The following CRADD variants were observed in gnomAD, a reference collection of about 807,000 sequenced individuals.
CRADD encodes the protein CARD and death domain containing adaptor protein.
CRADD carries 9 observed loss-of-function variants against 15.5 expected under a neutral mutation model. The observed-to-expected ratio is 0.58, with a 90% CI of 0.35 to 1.01. The LOEUF is 1.01. CRADD is among the 50% of genes least tolerant of loss of function. The pLI is 0.02. For synonymous variants in CRADD, 118 were observed against 107.6 expected (o/e 1.10, Z -0.60); for missense variants, 227 against 250.3 (o/e 0.91, Z 0.63).
At chr12:93,826,260 C>T (rs545369547) in intron 2 of CRADD, among the ~76,000 whole-genome samples, 22 of 152,220 alleles carry the variant, frequency 1.4e-4, no homozygotes, top group African/African-American at 4.3e-4. Context: ...TAAAATAGAC[C>T]GCTGTGAAAC....
rs536638818 is a variant in CRADD, at chr12:93,719,945, T to A, written c.298+40873T>A. ...TGTTCTCTTTCGTTAATTTCTGCTCTAATTTTTATACTTTTTTTTGCTTTT... is the reference window on the plus strand; with the variant it reads ...TGTTCTCTTTCGTTAATTTCTGCTCAAATTTTTATACTTTTTTTTGCTTTT... On this transcript the variant is annotated intron_variant, in intron 2 of 2. Transcript: ENST00000332896. 2.0e-5 allele frequency among the ~76,000 whole-genome samples: 3 copies of A among 152,254 alleles called. No individual in the cohort carries two copies. In the South Asian group the frequency reaches 6.2e-4, roughly 32 times the overall value.
intron 2 of CRADD, chr12:93,849,163 C>T (rs1422027165): frequency 6.6e-6 from 1 of 152,282 alleles, no homozygotes; most frequent in African/African-American, 2.4e-5. Flanking sequence ...TAGCACGTGC[C>T]TTTCCTGCAG....
intron 2 of CRADD, among the ~76,000 whole-genome samples, chr12:93,855,812 G>GTTTTTC (rs902851371): frequency 2.0e-5 from 3 of 152,154 alleles, no homozygotes; most frequent in Admixed American, 6.5e-5. Context: ...GGCTATCAGA[G>GTTTTTC]TTTTTCTTTT....
intron 2 of CRADD, among the ~76,000 whole-genome samples, chr12:93,737,496 T>C (rs1956591692): frequency 6.6e-6 from 1 of 152,188 alleles, no homozygotes; most frequent in Non-Finnish European, 1.5e-5. Context: ...ACTAATCTGG[T>C]ATGTGTTATT....
chr12:93,821,652 C>G (rs556461604), intron 2 of CRADD, among the ~76,000 whole-genome samples: 10 of 152,094 alleles, frequency 6.6e-5, no homozygotes, highest in Non-Finnish European at 1.0e-4. Flanking sequence ...TATCTCATAC[C>G]CTGCATGAAA....
intron 2 of CRADD, among the ~76,000 whole-genome samples, chr12:93,782,561 T>C (rs1276536983): frequency 6.9e-6 from 1 of 144,018 alleles, no homozygotes. Context: ...GCCACTGCAC[T>C]CCAACCTGGG....
At chr12:93,696,371 T>C (rs544869524) in intron 2 of CRADD, among the ~76,000 whole-genome samples, 18 of 152,312 alleles carry the variant, frequency 1.2e-4, no homozygotes, top group Admixed American at 1.0e-3. Flanking sequence ...AAAGAAAATA[T>C]AGCATATATA....
intron 2 of CRADD, among the ~76,000 whole-genome samples, chr12:93,727,453 C>G (rs1388794484): frequency 2.0e-5 from 3 of 152,196 alleles, no homozygotes; most frequent in Admixed American, 1.3e-4. Context: ...AGGAGACACA[C>G]AGCAGATCAG....
chr12:93,681,913 G>GT (rs921300564), intron 2 of CRADD, among the ~76,000 whole-genome samples: 7 of 152,078 alleles, frequency 4.6e-5, no homozygotes, highest in Non-Finnish European at 7.4e-5. Flanking sequence ...AGATATATAT[G>GT]TTTTTTGTGT....
chr12:93,892,757 T>G (rs544176456), intron 2 of CRADD, among the ~76,000 whole-genome samples: 117 of 152,272 alleles, frequency 7.7e-4, no homozygotes, highest in African/African-American at 2.7e-3. Context: ...TAAACTTTCA[T>G]GGATACCTTC....
intron 2 of CRADD, among the ~76,000 whole-genome samples, chr12:93,736,045 A>C (rs1956562437): frequency 6.6e-6 from 1 of 152,146 alleles, no homozygotes; most frequent in Non-Finnish European, 1.5e-5. Flanking sequence ...CAATAGAGGG[A>C]GACTCTGTCT....
At chr12:93,808,364 G>A (rs1044142000) in intron 2 of CRADD, among the ~76,000 whole-genome samples, 1 of 152,096 alleles carries the variant, frequency 6.6e-6, no homozygotes, top group East Asian at 1.9e-4. Context: ...CCTGTGCAGG[G>A]GAACTCCCAT....
At chr12:93,835,970 T>C (rs1481863168) in intron 2 of CRADD, among the ~76,000 whole-genome samples, 1 of 152,176 alleles carries the variant, frequency 6.6e-6, no homozygotes, top group African/African-American at 2.4e-5. Context: ...TTCTTCAGGC[T>C]ATAGGCACAT....
chr12:93,812,581 T>C (rs1453720963), intron 2 of CRADD, among the ~76,000 whole-genome samples: 1 of 152,188 alleles, frequency 6.6e-6, no homozygotes. Context: ...ATAGTTTCTT[T>C]TGGGGCTAGA....
At chr12:93,873,845 C>G (rs547581376) in intron 2 of CRADD, among the ~76,000 whole-genome samples, 1 of 151,942 alleles carries the variant, frequency 6.6e-6, no homozygotes, top group East Asian at 1.9e-4. Context: ...GCATAAATAT[C>G]CATCAGAGAT....
intron 2 of CRADD, among the ~76,000 whole-genome samples, chr12:93,711,161 G>C (rs998752898): frequency 6.6e-6 from 1 of 151,368 alleles, no homozygotes; most frequent in Middle Eastern, 3.4e-3. Flanking sequence ...TCTGAAGGGG[G>C]TCCTCAGCTC....
intron 2 of CRADD, among the ~76,000 whole-genome samples, chr12:93,700,804 A>G (rs1955827531): frequency 1.3e-5 from 2 of 151,956 alleles, no homozygotes; most frequent in Non-Finnish European, 2.9e-5. Context: ...GTCTTTGCCT[A>G]TAGTGTGAAT....
chr12:93,828,733 C>T (rs1372691328), intron 2 of CRADD, among the ~76,000 whole-genome samples: 1 of 152,218 alleles, frequency 6.6e-6, no homozygotes, highest in Non-Finnish European at 1.5e-5. Flanking sequence ...ATTTCTATAG[C>T]TTTAGGATGT....
At chr12:93,891,426 G>T (rs1466715495) in intron 2 of CRADD, among the ~76,000 whole-genome samples, 1 of 152,220 alleles carries the variant, frequency 6.6e-6, no homozygotes. Flanking sequence ...GGCAGAGGTT[G>T]CAGTGAGCCG....
Sources: allele counts gnomAD v4.1 joint callset (sites outside exome capture counted in the v4.1 genomes callset), GRCh38; gene constraint gnomAD v4.1.1; transcripts MANE v1.5; gene names NCBI Gene and HGNC (gene_info 2026-07-23, HGNC 2026-07-21).